Variants in OSBPL11 observed in about 807,000 individuals in gnomAD.
OSBPL11 encodes the protein oxysterol-binding protein-related protein 11.
Under a neutral mutation model 84.4 loss-of-function variants are expected in OSBPL11, and 33 were observed. The observed-to-expected ratio is 0.39, with a 90% confidence interval of 0.30 to 0.52. The LOEUF (loss-of-function observed/expected upper bound fraction) is 0.52. OSBPL11 is among the 20% of genes least tolerant of loss of function. The pLI, the probability that OSBPL11 is intolerant of heterozygous loss-of-function variation, is 0.72. For missense variants in OSBPL11, 736 were observed against 901.1 expected (o/e 0.82, Z 2.35); for synonymous variants, 276 against 310.2 (o/e 0.89, Z 1.16).
chr3:125,587,969 C>T (rs1434808751), intron 1 of OSBPL11, among the ~76,000 whole-genome samples: 1 of 152,126 alleles, frequency 6.6e-6, no homozygotes, highest in Non-Finnish European at 1.5e-5. Flanking sequence ...TGCCTATAAT[C>T]CCAGCACTTT....
chr3:125,592,594 T>C (rs541528329), intron 1 of OSBPL11, among the ~76,000 whole-genome samples: 1 of 152,304 alleles, frequency 6.6e-6, no homozygotes, highest in African/African-American at 2.4e-5. Context: ...CAGTAAAAGA[T>C]AGCATTTCCA....
Position 125,552,578 on chromosome 3 carries a change from G to A in OSBPL11, c.1257C>T (p.Ala419=), listed in dbSNP as rs548901135. 1.9e-6 allele frequency: 3 copies of A among 1,614,192 alleles called. No individual in the cohort carries two copies. In the South Asian group the frequency reaches 3.3e-5, roughly 18 times the overall value. Residue 419 remains alanine, a synonymous_variant, in exon 9 of 13, where the codon GCC becomes GCT. Transcript: ENST00000296220. ...PDLFIAITNG[A]TAEDRMIRFV... The stretch of plus-strand genomic sequence containing the variant: ...AGCGAATCATTCTGTCCTCAGCTGT[G>A]GCTCCATTAGTGATGGCTATAAATA...
At position 125,591,994 on chromosome 3, in the gene OSBPL11, C is replaced by G. The variant is rs188254964; in HGVS notation, c.164+2643G>C. 2.7e-3 allele frequency among the ~76,000 whole-genome samples: 413 copies of G among 152,006 alleles called. 4 individuals carry two copies. Among genetic ancestry groups the G allele is most frequent in the Admixed American group, 0.023 (344 of 15,268 alleles). On this transcript the variant is annotated intron_variant, in intron 1 of 12. Coordinates refer to ENST00000296220, the MANE Select transcript of OSBPL11 (RefSeq NM_022776.5). ...TCAACCCTGGGAGACAGAGAGAGACCTTGTCTCAAAAAAAAAAGTTAAATT... is the reference window on the plus strand; with the variant it reads ...TCAACCCTGGGAGACAGAGAGAGACGTTGTCTCAAAAAAAAAAGTTAAATT...
At chr3:125,552,141 GTATATATA>G (rs10541213) in intron 9 of OSBPL11, 32 bp downstream of exon 9, 28 of 871,868 alleles carry the variant, frequency 3.2e-5, no homozygotes, top group South Asian at 8.9e-5. Flanking sequence ...ATGTGTGTGT[GTATATATA>G]TATATATATA....
At chr3:125,585,621 C>G (rs1868214) in intron 1 of OSBPL11, among the ~76,000 whole-genome samples, 85,188 of 151,560 alleles carry the variant, frequency 0.56, 25,689 homozygotes, top group African/African-American at 0.8. Context: ...GGCAGAAATT[C>G]AAGTAAGTAA....
At chr3:125,562,805 A>G (rs1936097396) in intron 7 of OSBPL11, among the ~76,000 whole-genome samples, 1 of 152,138 alleles carries the variant, frequency 6.6e-6, no homozygotes. Context: ...GCATGCCTGT[A>G]ATCCCAGCTA....
intron 10 of OSBPL11, among the ~76,000 whole-genome samples, chr3:125,545,388 C>G (rs1935795753): frequency 6.6e-6 from 1 of 152,218 alleles, no homozygotes; most frequent in Admixed American, 6.5e-5. Flanking sequence ...TAGTAACCAT[C>G]TAATCCTATC....
At chr3:125,566,024 A>T (rs941783805) in intron 6 of OSBPL11, among the ~76,000 whole-genome samples, 8 of 152,046 alleles carry the variant, frequency 5.3e-5, no homozygotes, top group African/African-American at 1.9e-4. Context: ...ATTATTTTTG[A>T]GATGGAGTCT....
At chr3:125,550,852 T>C (rs1470381768) in intron 9 of OSBPL11, among the ~76,000 whole-genome samples, 1 of 152,178 alleles carries the variant, frequency 6.6e-6, no homozygotes, top group Non-Finnish European at 1.5e-5. Flanking sequence ...GAATAGCACC[T>C]AAATATTCTA....
chr3:125,578,344 A>G (rs902524225), intron 4 of OSBPL11, among the ~76,000 whole-genome samples: 4 of 152,176 alleles, frequency 2.6e-5, no homozygotes, highest in Non-Finnish European at 5.9e-5. Flanking sequence ...GGAATAGAAA[A>G]GAGAGTTTGC....
At position 125,538,446 on chromosome 3, in the gene OSBPL11, C is replaced by G. The variant is rs771333402; in HGVS notation, c.2024+5G>C. 2.5e-6 allele frequency: 4 copies of G among 1,611,920 alleles called. No homozygotes were observed. ...CTTTCCTGGATAGATGCAAGGATGACATACCTGGATTCAAATGGATCCTGC... is the reference window on the plus strand; with the variant it reads ...CTTTCCTGGATAGATGCAAGGATGAGATACCTGGATTCAAATGGATCCTGC... On this transcript the variant is annotated splice_donor_5th_base_variant and intron_variant, in intron 11 of 12. Coordinates refer to ENST00000296220, the MANE Select transcript of OSBPL11 (RefSeq NM_022776.5).
intron 4 of OSBPL11, among the ~76,000 whole-genome samples, chr3:125,578,189 A>T (rs1454738721): frequency 6.6e-6 from 1 of 152,202 alleles, no homozygotes; most frequent in African/African-American, 2.4e-5. Flanking sequence ...ACTCAGTCTT[A>T]AAAAAGGAAT....
At chr3:125,588,643 G>A (rs1055690549) in intron 1 of OSBPL11, among the ~76,000 whole-genome samples, 2 of 152,226 alleles carry the variant, frequency 1.3e-5, no homozygotes, top group Non-Finnish European at 1.5e-5. Flanking sequence ...AAAAGGCTTA[G>A]CACTTTGGTC....
At chr3:125,559,649 C>T (rs1339875719) in intron 8 of OSBPL11, among the ~76,000 whole-genome samples, 2 of 152,100 alleles carry the variant, frequency 1.3e-5, no homozygotes, top group African/African-American at 4.8e-5. Flanking sequence ...TCTCCTGAGA[C>T]AGGGTTTTGC....
intron 1 of OSBPL11, among the ~76,000 whole-genome samples, chr3:125,584,620 A>G: frequency 6.6e-6 from 1 of 152,206 alleles, no homozygotes; most frequent in Non-Finnish European, 1.5e-5. Flanking sequence ...AGCATGTAAT[A>G]AAAAATATCA....
At position 125,594,883 on chromosome 3, in the gene OSBPL11, T is replaced by C; in HGVS notation, c.-83A>G. The C allele has an allele frequency of 1.4e-6, 2 of 1,454,242 alleles. No homozygotes were observed. The highest frequency in any genetic ancestry group is 1.9e-6 in the Non-Finnish European group (2 of 1,074,796). The allele number at this position is 1,454,242 out of a possible 1,614,324, so 90.1% of individuals were successfully genotyped here. A position where few individuals can be genotyped will look rare whatever the true frequency, so the allele number is the denominator to read the frequency against. The stretch of plus-strand genomic sequence containing the variant: ...GTAGGTGACTTTTTTTTTTTAAGAT[T>C]TGATCTGAATATGATACCGGTTGCT... On this transcript the variant is annotated 5_prime_UTR_variant, in exon 1 of 13. Coordinates refer to ENST00000296220, the MANE Select transcript of OSBPL11 (RefSeq NM_022776.5).
chr3:125,552,017 T>C (rs1225101517), intron 9 of OSBPL11, among the ~76,000 whole-genome samples, 164 bp downstream of exon 9: 1 of 151,830 alleles, frequency 6.6e-6, no homozygotes, highest in African/African-American at 2.4e-5. Flanking sequence ...AACAGGCACT[T>C]GACCTTCACG....
intron 11 of OSBPL11, among the ~76,000 whole-genome samples, chr3:125,537,399 A>T (rs1400484592): frequency 6.6e-6 from 1 of 152,096 alleles, no homozygotes; most frequent in Non-Finnish European, 1.5e-5. Flanking sequence ...GAAAAATGAT[A>T]AATAATATCT....
At chr3:125,556,001 C>T (rs1935985967) in intron 8 of OSBPL11, among the ~76,000 whole-genome samples, 1 of 152,158 alleles carries the variant, frequency 6.6e-6, no homozygotes, top group South Asian at 2.1e-4. Flanking sequence ...CAAATTCTAT[C>T]TAAACCAGCA....
Sources: gnomAD v4.1 joint callset for allele counts (sites outside exome capture counted in the v4.1 genomes callset) on GRCh38, gnomAD v4.1.1 for gene constraint, MANE v1.5 for transcripts, NCBI Gene and HGNC (gene_info 2026-07-23, HGNC 2026-07-21) for gene names.